NCOR1: variants seen among roughly 807,000 people sequenced by gnomAD.
NCOR1 encodes the protein nuclear receptor corepressor 1, also known as protein phosphatase 1, regulatory subunit 109.
Under a neutral mutation model 288.1 loss-of-function variants are expected in NCOR1, and 63 were observed. The ratio of observed to expected loss-of-function variants is 0.22; its 90% CI spans 0.18 to 0.27. The LOEUF is 0.27. Ranked by LOEUF, NCOR1 falls within the 10% of genes least tolerant of loss-of-function variation. NCOR1 has a pLI of 1.00. For synonymous variants in NCOR1, 1,007 were observed against 1,065.9 expected (o/e 0.94, Z 1.08); for missense variants, 2,397 against 3,019.2 (o/e 0.79, Z 4.83).
rs376017330 is a variant in NCOR1, at chr17:16,127,679, A to G, written c.1510-1473T>C. On this transcript the variant is annotated intron_variant, in intron 14 of 45. Transcript: ENST00000268712. ...TATATACATATATGTATATATGTGT[A>G]TGTGTATATATACATATATGTATAT... Among the ~76,000 whole-genome samples, 377 of 142,756 alleles carry G rather than the reference A, an allele frequency of 2.6e-3. 1 individual carries two copies. The highest frequency in any genetic ancestry group is 9.0e-3 in the African/African-American group (340 of 37,958). 93.7% of individuals were successfully genotyped at this position (142,756 alleles called of 152,430 possible). A position where few individuals can be genotyped will look rare whatever the true frequency, so the allele number is the denominator to read the frequency against.
In NCOR1 at chr17:16,055,089, G is replaced by T. The variant is rs1480824261; in HGVS notation, c.6392+2425C>A. Among the ~76,000 whole-genome samples, 4 of 152,188 alleles carry T rather than the reference G, an allele frequency of 2.6e-5. No individual in the cohort carries two copies. The East Asian group carries it at 5.8e-4, about 22-fold the overall frequency. ...ACACTGTTGGTGGGAGTGTAAATTA[G>T]TTCAACCACTGTGGAAGACACTGTG... is the stretch of plus-strand genomic sequence containing the variant. On this transcript the variant is annotated intron_variant, in intron 40 of 45. Transcript: ENST00000268712.
chr17:16,062,866 A>G (rs1456219623), intron 35 of NCOR1, among the ~76,000 whole-genome samples: 2 of 152,144 alleles, frequency 1.3e-5, no homozygotes, highest in Non-Finnish European at 1.5e-5. Flanking sequence ...CACTTCTACA[A>G]TATTTGGTAT....
At chr17:16,202,184 ACTGCGTTC>A (rs1234162565) in intron 1 of NCOR1, among the ~76,000 whole-genome samples, 1 of 148,780 alleles carries the variant, frequency 6.7e-6, no homozygotes, top group East Asian at 2.0e-4. Flanking sequence ...AGATTGCACC[ACTGCGTTC>A]CAGCCTGGGC....
chr17:16,077,921 T>G (rs960787329), intron 26 of NCOR1, among the ~76,000 whole-genome samples: 1 of 152,212 alleles, frequency 6.6e-6, no homozygotes, highest in Non-Finnish European at 1.5e-5. Flanking sequence ...TTTCTCAAAT[T>G]GTGATATGAG....
chr17:16,108,768 T>C lies in NCOR1; in HGVS notation c.2182+18A>G. The C allele has an allele frequency of 1.3e-6, 2 of 1,574,338 alleles. No individual in the cohort carries two copies. Among genetic ancestry groups the C allele is most frequent in the Non-Finnish European group, 1.7e-6 (2 of 1,161,234 alleles). On this transcript the variant is annotated intron_variant, in intron 19 of 45. Coordinates refer to ENST00000268712, the MANE Select transcript of NCOR1 (RefSeq NM_006311.4). The stretch of plus-strand genomic sequence containing the variant: ...CTGGATAGCAGATGTCACAACTAAA[T>C]TTAAAATTTTGAGATACCTTCGCTG...
intron 3 of NCOR1, among the ~76,000 whole-genome samples, chr17:16,177,939 G>C (rs1158538648): frequency 6.6e-6 from 1 of 152,208 alleles, no homozygotes; most frequent in East Asian, 1.9e-4. Context: ...GCCAGGCACA[G>C]TGGCTCACGC....
chr17:16,060,294 C>T (rs537679516), intron 37 of NCOR1, among the ~76,000 whole-genome samples: 18 of 152,244 alleles, frequency 1.2e-4, no homozygotes, highest in Admixed American at 5.9e-4. Flanking sequence ...AAATCAAATT[C>T]CTAAAGCAAG....
At position 16,029,332 on chromosome 17, in the gene NCOR1, A is replaced by T. The variant is rs908007035; in HGVS notation, c.*2964T>A. 6.0e-5 allele frequency: 26 copies of T among 436,204 alleles called. No individual in the cohort carries two copies. Among genetic ancestry groups the T allele is most frequent in the Non-Finnish European group, 9.6e-5 (21 of 219,866 alleles). 27.0% of individuals were successfully genotyped at this position (436,204 alleles called of 1,614,324 possible). A position where few individuals can be genotyped will look rare whatever the true frequency, so the allele number is the denominator to read the frequency against. Reference sequence around the variant, plus strand: ...AGGTACTGAAGCAAAAGGAGGACTGATCTCCTTTACTGATTGGTCTAAATT... The same window carrying T: ...AGGTACTGAAGCAAAAGGAGGACTGTTCTCCTTTACTGATTGGTCTAAATT... On this transcript the variant is annotated 3_prime_UTR_variant, in exon 46 of 46. Coordinates refer to ENST00000268712, the MANE Select transcript of NCOR1 (RefSeq NM_006311.4).
intron 3 of NCOR1, among the ~76,000 whole-genome samples, chr17:16,184,986 C>T (rs1390130458): frequency 6.0e-5 from 8 of 134,084 alleles, no homozygotes; most frequent in African/African-American, 1.7e-4. Flanking sequence ...TGCATGATTT[C>T]GCTTATATGT....
At chr17:16,102,545 T>G (rs926327871) in intron 19 of NCOR1, among the ~76,000 whole-genome samples, 15 of 152,276 alleles carry the variant, frequency 9.9e-5, no homozygotes, top group Admixed American at 7.2e-4. Flanking sequence ...TTCCTTTTTT[T>G]GGGTACTAAA....
At chr17:16,059,125 G>A (rs563079203) in intron 37 of NCOR1, among the ~76,000 whole-genome samples, 1 of 147,626 alleles carries the variant, frequency 6.8e-6, no homozygotes, top group Admixed American at 6.8e-5. Flanking sequence ...GCAGAACAGA[G>A]AACAGATTTA....
intron 38 of NCOR1, 83 bp downstream of exon 38, chr17:16,058,388 T>C (rs1393080397): frequency 6.7e-7 from 1 of 1,490,180 alleles, no homozygotes; most frequent in Non-Finnish European, 9.0e-7. Flanking sequence ...AAGTTAATTC[T>C]TACTATGGTC....
At chr17:16,044,309 G>C (rs2058285870) in intron 42 of NCOR1, 3 of 449,738 alleles carry the variant, frequency 6.7e-6, no homozygotes, top group South Asian at 3.3e-5. Context: ...GACAAGTTCA[G>C]AAACAGTGGT....
chr17:16,126,295 TTTAAATGATTG>T, intron 14 of NCOR1, 89 bp from the exon 15 acceptor site: 12 of 1,306,954 alleles, frequency 9.2e-6, no homozygotes, highest in Non-Finnish European at 1.2e-5. Flanking sequence ...CTAAAAAAAT[TTTAAATGATTG>T]TTAGTCATTT....
intron 1 of NCOR1, among the ~76,000 whole-genome samples, chr17:16,207,056 G>A (rs1323551965): frequency 1.3e-5 from 2 of 151,892 alleles, no homozygotes; most frequent in Non-Finnish European, 2.9e-5. Context: ...CTTACATCAG[G>A]TATATTTACG....
rs1345253309 is a variant in NCOR1, at chr17:16,139,204, T to C, written c.1174-18A>G. 1.9e-6 allele frequency: 3 copies of C among 1,604,176 alleles called. No individual in the cohort carries two copies. The highest frequency in any genetic ancestry group is 2.6e-6 in the Non-Finnish European group (3 of 1,174,542). ...TCATTATTCTGGAAAAAAAATACAATTTACTTAGAATAAAACATAAACTAG... is the reference window on the plus strand; with the variant it reads ...TCATTATTCTGGAAAAAAAATACAACTTACTTAGAATAAAACATAAACTAG... On this transcript the variant is annotated intron_variant, in intron 11 of 45. Coordinates refer to ENST00000268712, the MANE Select transcript of NCOR1 (RefSeq NM_006311.4).
intron 1 of NCOR1, among the ~76,000 whole-genome samples, chr17:16,210,085 A>G (rs987743128): frequency 6.6e-6 from 1 of 151,128 alleles, no homozygotes; most frequent in Non-Finnish European, 1.5e-5. Flanking sequence ...TTTATAAAAT[A>G]ATTTAACCTA....
At chr17:16,036,709 CCT>C (rs2056456199) in intron 44 of NCOR1, among the ~76,000 whole-genome samples, 1 of 152,168 alleles carries the variant, frequency 6.6e-6, no homozygotes, top group African/African-American at 2.4e-5. Context: ...GGCTTCCTCG[CCT>C]CTCTGAGCCT....
chr17:16,163,063 C>G (rs1381224874), intron 5 of NCOR1, among the ~76,000 whole-genome samples: 2 of 151,904 alleles, frequency 1.3e-5, no homozygotes, highest in East Asian at 3.9e-4. Context: ...AGAGGTAAAA[C>G]TATAAAATGT....
Sources: allele counts gnomAD v4.1 joint callset (sites outside exome capture counted in the v4.1 genomes callset), GRCh38; gene constraint gnomAD v4.1.1; transcripts MANE v1.5; gene names NCBI Gene and HGNC (gene_info 2026-07-23, HGNC 2026-07-21).